The following PTPRK variants were observed in gnomAD, a reference collection of about 807,000 sequenced individuals.
PTPRK encodes the protein protein tyrosine phosphatase receptor type K, also known as receptor-type tyrosine-protein phosphatase kappa.
PTPRK carries 75 observed loss-of-function variants against 178.0 expected under a neutral mutation model. The observed-to-expected ratio is 0.42, with a 90% CI of 0.35 to 0.51. The LOEUF (loss-of-function observed/expected upper bound fraction) is 0.51, where lower values mean the gene tolerates loss of function less well. Among genes scored for constraint, PTPRK ranks in the 20% least tolerant of loss-of-function variants. The pLI is 0.02. For missense variants in PTPRK, 1,441 were observed against 1,797.8 expected, an observed-to-expected ratio of 0.80 and a Z score of 3.59; for synonymous variants, 637 against 620.6, an observed-to-expected ratio of 1.03 and a Z score of -0.39.
chr6:128,381,534 T>C (rs1336187178), intron 2 of PTPRK, among the ~76,000 whole-genome samples: 2 of 152,112 alleles, frequency 1.3e-5, no homozygotes, highest in Admixed American at 6.6e-5. Context: ...TTCTTATAGA[T>C]TAATGAGATT....
intron 13 of PTPRK, among the ~76,000 whole-genome samples, chr6:128,052,509 T>C (rs1485200459): frequency 6.6e-6 from 1 of 152,220 alleles, no homozygotes; most frequent in Admixed American, 6.5e-5. Flanking sequence ...TGTTGTAGAA[T>C]ATCCTCAATT....
intron 1 of PTPRK, among the ~76,000 whole-genome samples, chr6:128,451,356 A>G (rs1347574752): frequency 6.6e-6 from 1 of 152,218 alleles, no homozygotes; most frequent in East Asian, 1.9e-4. Context: ...TCACTGATAA[A>G]GTTTTAGATT....
chr6:128,480,438 C>T (rs1307302947), intron 1 of PTPRK, among the ~76,000 whole-genome samples: 6 of 152,078 alleles, frequency 3.9e-5, no homozygotes, highest in Admixed American at 6.6e-5. Context: ...TATCAACATT[C>T]GTCCTGTCTA....
chr6:128,152,938 G>A (rs1053536690), intron 7 of PTPRK, among the ~76,000 whole-genome samples: 5 of 151,828 alleles, frequency 3.3e-5, no homozygotes, highest in Admixed American at 6.6e-5. Flanking sequence ...TGCCTGGAAG[G>A]GTCTGGAACT....
rs1480314820 is a variant in PTPRK at position 128,367,444 on chromosome 6, G to A, written c.223+30122C>T. Among the ~76,000 whole-genome samples, 6 of 152,182 alleles carry A rather than the reference G, an allele frequency of 3.9e-5. No homozygotes were observed. In the East Asian group the frequency reaches 5.8e-4, roughly 15 times the overall value. The stretch of plus-strand genomic sequence containing the variant: ...AGTAGAAGGCTCAAAGCCAACTATC[G>A]ACAAATTCAGTGACTTAACCTAATG... On this transcript the variant is annotated intron_variant, in intron 2 of 29. Transcript: ENST00000368226.
intron 1 of PTPRK, among the ~76,000 whole-genome samples, chr6:128,429,900 T>C (rs1282851113): frequency 1.3e-5 from 2 of 152,222 alleles, no homozygotes; most frequent in South Asian, 4.1e-4. Context: ...CAATATAAAG[T>C]TAATTTTAAA....
chr6:128,410,123 G>A (rs1287566484), intron 1 of PTPRK, among the ~76,000 whole-genome samples: 1 of 152,158 alleles, frequency 6.6e-6, no homozygotes, highest in Non-Finnish European at 1.5e-5. Flanking sequence ...AAGTCAGGCT[G>A]GAGGAAGTAA....
chr6:128,240,079 T>C lies in PTPRK; in HGVS notation c.649A>G (p.Ile217Val). The change falls in exon 5 of 30, where the codon ATT (isoleucine) becomes GTT (valine). Residue 217 changes from isoleucine (I) to valine (V), a missense_variant. Ile to Val is a conservative substitution (Grantham distance 29). Transcript: ENST00000368226. ...TGCACAGCATCTCTCCCTGTGGCAA[T>C]GCACTGAAATGTAGCGTTTTGCCCT... is the stretch of plus-strand genomic sequence containing the variant. The part of the protein sequence containing the change: ...NAGQNATFQC[I>V]ATGRDAVHNK... The C allele has an allele frequency of 6.2e-7, 1 of 1,614,114 alleles. No individual in the cohort carries two copies. Among genetic ancestry groups the C allele is most frequent in the Non-Finnish European group, 8.5e-7 (1 of 1,179,980 alleles).
At chr6:128,130,210 A>C (rs1261803501) in intron 7 of PTPRK, among the ~76,000 whole-genome samples, 1 of 152,248 alleles carries the variant, frequency 6.6e-6, no homozygotes, top group East Asian at 1.9e-4. Flanking sequence ...TCTATCTCAC[A>C]TTTTAAAGTT....
In PTPRK at chr6:128,124,803, G is replaced by A. The variant is rs1306204464; in HGVS notation, c.1163-34811C>T. On this transcript the variant is annotated intron_variant, in intron 7 of 29. Transcript: ENST00000368226. ...AAGACCAGCCTCCGGGAGGAAAAAA[G>A]AAATTCTCCAGCAGACTGCCTTCAG... 3.3e-5 allele frequency among the ~76,000 whole-genome samples: 5 copies of A among 152,178 alleles called. No homozygotes were observed. The East Asian group carries it at 9.6e-4, about 29-fold the overall frequency.
intron 15 of PTPRK, chr6:128,003,148 G>A (rs889693522): frequency 6.5e-7 from 1 of 1,542,480 alleles, no homozygotes. Context: ...ACCCATGCAA[G>A]GAGGTGTGAT....
At chr6:128,472,418 A>T (rs1584881027) in intron 1 of PTPRK, among the ~76,000 whole-genome samples, 1 of 94,200 alleles carries the variant, frequency 1.1e-5, no homozygotes, top group African/African-American at 5.9e-5. Context: ...TGAATTTTTG[A>T]CACCCCCCCC....
At chr6:128,391,178 A>G (rs1329949583) in intron 2 of PTPRK, among the ~76,000 whole-genome samples, 3 of 152,162 alleles carry the variant, frequency 2.0e-5, no homozygotes, top group Admixed American at 6.5e-5. Flanking sequence ...TGAATGACGC[A>G]TAACCTTCCA....
At chr6:128,352,082 T>G (rs559741678) in intron 2 of PTPRK, among the ~76,000 whole-genome samples, 14 of 151,456 alleles carry the variant, frequency 9.2e-5, no homozygotes, top group Non-Finnish European at 1.8e-4. Flanking sequence ...TGGTGAAACC[T>G]GTCTCTACCA....
intron 6 of PTPRK, among the ~76,000 whole-genome samples, chr6:128,200,883 GGGAGGGAA>G (rs1243137943): frequency 9.1e-6 from 1 of 109,526 alleles, no homozygotes; most frequent in Non-Finnish European, 1.8e-5. Flanking sequence ...GGAGGAAGAA[GGGAGGGAA>G]GGAGGGAGGG....
chr6:128,145,866 G>A (rs1796414903), intron 7 of PTPRK, among the ~76,000 whole-genome samples: 1 of 152,144 alleles, frequency 6.6e-6, no homozygotes, highest in Non-Finnish European at 1.5e-5. Flanking sequence ...GTTATTAACT[G>A]ATTTTTATCA....
chr6:128,381,308 C>T (rs1024731707), intron 2 of PTPRK, among the ~76,000 whole-genome samples: 4 of 152,134 alleles, frequency 2.6e-5, no homozygotes, highest in Non-Finnish European at 5.9e-5. Context: ...TATTTCCATA[C>T]CTCATTATTC....
At position 128,520,532 on chromosome 6, in the gene PTPRK, C is replaced by T. The variant is rs1181212961; in HGVS notation, c.-174G>A. On this transcript the variant is annotated 5_prime_UTR_variant, in exon 1 of 30. Transcript: ENST00000368226. The stretch of plus-strand genomic sequence containing the variant: ...CGCCAAACTACCTCAGGGGCGAAAG[C>T]GTCGCCAGCGTCGCCGGCCGGCCGC... 11 of 590,366 alleles carry T rather than the reference C, an allele frequency of 1.9e-5. No individual in the cohort carries two copies. Among genetic ancestry groups the T allele is most frequent in the Middle Eastern group, 4.5e-4 (1 of 2,216 alleles). 36.6% of individuals were successfully genotyped at this position (590,366 alleles called of 1,614,324 possible). A position where few individuals can be genotyped will look rare whatever the true frequency, so the allele number is the denominator to read the frequency against.
At chr6:128,506,303 T>C (rs568376768) in intron 1 of PTPRK, among the ~76,000 whole-genome samples, 1 of 152,138 alleles carries the variant, frequency 6.6e-6, no homozygotes, top group African/African-American at 2.4e-5. Flanking sequence ...TTCTGGTCAA[T>C]TCTTATTTTA....
Sources: allele counts gnomAD v4.1 joint callset (sites outside exome capture counted in the v4.1 genomes callset), GRCh38; gene constraint gnomAD v4.1.1; transcripts MANE v1.5; gene names NCBI Gene and HGNC (gene_info 2026-07-23, HGNC 2026-07-21).